Variants in WWC2 observed in about 807,000 individuals in gnomAD.
WWC2 encodes the protein WW and C2 domain containing 2.
WWC2 carries 101 observed loss-of-function variants against 138.5 expected under a neutral mutation model. The observed-to-expected ratio is 0.73, with a 90% confidence interval of 0.62 to 0.86. The LOEUF is 0.86. Among genes scored for constraint, WWC2 ranks in the 40% least tolerant of loss-of-function variants. The probability of loss-of-function intolerance (pLI) is 0.00; values close to 1 mark genes in which losing one functional copy is unlikely to be tolerated. For missense variants in WWC2, 1,420 were observed against 1,419.4 expected (o/e 1.00, Z -0.01); for synonymous variants, 558 against 538.4 (o/e 1.04, Z -0.50).
chr4:183,171,702 C>T (rs937021528), intron 1 of WWC2, among the ~76,000 whole-genome samples: 2 of 152,206 alleles, frequency 1.3e-5, no homozygotes, highest in Non-Finnish European at 1.5e-5. Flanking sequence ...CACTACTCTC[C>T]CCCACACTTG....
At position 183,154,028 on chromosome 4, in the gene WWC2, AC is replaced by A. The variant is rs758981235; in HGVS notation, c.132-39567del. The stretch of plus-strand genomic sequence containing the variant: ...AAAAAAAAAAAAAAAAAAAAAAAAA[AC>A]CCCAAATCTAATTCATCATTTAGTT... On this transcript the variant is annotated intron_variant, in intron 1 of 22. Transcript: ENST00000403733. Among the ~76,000 whole-genome samples the A allele has an allele frequency of 8.2e-3, 1,065 of 129,172 alleles. 14 individuals are homozygous for A. The highest frequency in any genetic ancestry group is 0.014 in the Non-Finnish European group (812 of 59,452). The allele number at this position is 129,172 out of a possible 152,430, so 84.7% of individuals were successfully genotyped here.
At chr4:183,311,892 A>G (rs1370548666) in intron 21 of WWC2, among the ~76,000 whole-genome samples, 8 of 152,088 alleles carry the variant, frequency 5.3e-5, no homozygotes, top group Admixed American at 5.2e-4. Context: ...AGGTTTTTTG[A>G]TTGGTAAATT....
At chr4:183,266,343 A>G (rs1183995109) in intron 14 of WWC2, among the ~76,000 whole-genome samples, 2 of 152,196 alleles carry the variant, frequency 1.3e-5, no homozygotes, top group East Asian at 1.9e-4. Flanking sequence ...GTATCTGTAC[A>G]ACATTGCCAG....
At chr4:183,151,386 G>A (rs1333500749) in intron 1 of WWC2, among the ~76,000 whole-genome samples, 1 of 152,174 alleles carries the variant, frequency 6.6e-6, no homozygotes, top group Non-Finnish European at 1.5e-5. Context: ...TGATGGGGTT[G>A]TTTGATTTTT....
At chr4:183,310,832 TAAAAAAAAA>T (rs34169882) in intron 21 of WWC2, among the ~76,000 whole-genome samples, 60 of 113,434 alleles carry the variant, frequency 5.3e-4, no homozygotes, top group African/African-American at 1.9e-3. Flanking sequence ...TGGCATATTG[TAAAAAAAAA>T]AAAAAAAAAA....
chr4:183,254,102 A>T, intron 9 of WWC2, 103 bp downstream of exon 9: 1 of 1,474,842 alleles, frequency 6.8e-7, no homozygotes, highest in Non-Finnish European at 9.0e-7. Context: ...ATCTGTTCTT[A>T]GTGGACTGAG....
rs147023374 is a variant in WWC2, at chr4:183,305,430, T to TAC, written c.3385-6897_3385-6896dup. ...CTCATAAAACACCAAGCAAAATAAA[T>TAC]ACACACACACACACAGAACATTACA... is the stretch of plus-strand genomic sequence containing the variant. On this transcript the variant is annotated intron_variant, in intron 21 of 22. Transcript: ENST00000403733. 5.8e-3 allele frequency among the ~76,000 whole-genome samples: 872 copies of TAC among 151,224 alleles called. 9 individuals are homozygous for TAC. The highest frequency in any genetic ancestry group is 0.018 in the African/African-American group (759 of 41,246).
At chr4:183,175,422 CG>C (rs35903785) in intron 1 of WWC2, among the ~76,000 whole-genome samples, 1 of 151,948 alleles carries the variant, frequency 6.6e-6, no homozygotes, top group Admixed American at 6.6e-5. Flanking sequence ...CCACCACACC[CG>C]GTTAATTTTT....
chr4:183,320,442 G>A lies in WWC2; in HGVS notation c.*4713G>A, dbSNP rs1392373114. The A allele has an allele frequency of 3.5e-6, 2 of 576,932 alleles. No homozygotes were observed. Among genetic ancestry groups the A allele is most frequent in the Non-Finnish European group, 6.2e-6 (2 of 321,892 alleles). 35.7% of individuals were successfully genotyped at this position (576,932 alleles called of 1,614,324 possible). Reference sequence around the variant, plus strand: ...ACCAGTAATGCCAAGGTGTGGCCAAGATTGTGTTTGTGTCCTGTGGGCTGG... The same window carrying A: ...ACCAGTAATGCCAAGGTGTGGCCAAAATTGTGTTTGTGTCCTGTGGGCTGG... On this transcript the variant is annotated 3_prime_UTR_variant, in exon 23 of 23. Coordinates refer to ENST00000403733, the MANE Select transcript of WWC2 (RefSeq NM_024949.6).
intron 1 of WWC2, among the ~76,000 whole-genome samples, chr4:183,105,470 T>TA (rs1743320987): frequency 6.6e-6 from 1 of 152,204 alleles, no homozygotes; most frequent in African/African-American, 2.4e-5. Context: ...ATGCAGGAGT[T>TA]ACTAAATTAG....
chr4:183,265,842 TC>T, intron 13 of WWC2, 22 bp from the exon 14 acceptor site: 2 of 1,611,160 alleles, frequency 1.2e-6, no homozygotes, highest in Non-Finnish European at 1.7e-6. Flanking sequence ...ATTCCTGACT[TC>T]ATTTAGCCTC....
intron 16 of WWC2, among the ~76,000 whole-genome samples, chr4:183,278,659 A>T (rs1173158503): frequency 6.6e-6 from 1 of 152,134 alleles, no homozygotes; most frequent in East Asian, 1.9e-4. Flanking sequence ...TTCCTTGAGC[A>T]GTGGTTTGTA....
intron 1 of WWC2, among the ~76,000 whole-genome samples, chr4:183,100,322 A>T (rs993440660): frequency 1.3e-5 from 2 of 152,218 alleles, no homozygotes; most frequent in African/African-American, 4.8e-5. Flanking sequence ...TTGGGTATTG[A>T]GGCACTCTGA....
intron 1 of WWC2, among the ~76,000 whole-genome samples, chr4:183,151,507 G>A (rs1282437708): frequency 6.6e-6 from 1 of 152,138 alleles, no homozygotes; most frequent in African/African-American, 2.4e-5. Flanking sequence ...CACTCTGATG[G>A]TAGTTTCTTT....
intron 9 of WWC2, among the ~76,000 whole-genome samples, chr4:183,258,147 G>A (rs1004710789): frequency 6.6e-6 from 1 of 152,188 alleles, no homozygotes; most frequent in Admixed American, 6.5e-5. Flanking sequence ...TCCTTCCGAA[G>A]TGTTTCTCTT....
intron 1 of WWC2, among the ~76,000 whole-genome samples, chr4:183,185,896 T>C (rs191178698): frequency 2.3e-3 from 344 of 152,244 alleles, no homozygotes; most frequent in Middle Eastern, 3.4e-3. Context: ...AGTAAGTGTT[T>C]TATATTATTA....
At chr4:183,110,131 G>C (rs879925158) in intron 1 of WWC2, among the ~76,000 whole-genome samples, 4 of 152,152 alleles carry the variant, frequency 2.6e-5, no homozygotes, top group Non-Finnish European at 5.9e-5. Context: ...CTCAACCCCA[G>C]TCACTCAATA....
intron 4 of WWC2, among the ~76,000 whole-genome samples, chr4:183,225,055 G>T (rs1198918534): frequency 6.7e-6 from 1 of 149,390 alleles, no homozygotes; most frequent in African/African-American, 2.6e-5. Flanking sequence ...GGCCTGAAAA[G>T]ATGTTTTTGA....
chr4:183,209,657 A>C (rs568468397), intron 4 of WWC2, among the ~76,000 whole-genome samples: 3 of 152,286 alleles, frequency 2.0e-5, no homozygotes, highest in Non-Finnish European at 4.4e-5. Context: ...CTGTTTTGTC[A>C]GACAACCCAA....
Sources: allele counts gnomAD v4.1 joint callset (sites outside exome capture counted in the v4.1 genomes callset), GRCh38; gene constraint gnomAD v4.1.1; transcripts MANE v1.5; gene names NCBI Gene and HGNC (gene_info 2026-07-23, HGNC 2026-07-21).